FRMPD4: variants seen among roughly 807,000 people sequenced by gnomAD.
The protein encoded by FRMPD4 is FERM and PDZ domain-containing protein 4.
FRMPD4 carries 22 observed loss-of-function variants against 94.1 expected under a neutral mutation model. The observed-to-expected ratio is 0.23, with a 90% CI of 0.17 to 0.33. FRMPD4 has a LOEUF of 0.33. Among genes scored for constraint, FRMPD4 ranks in the 10% least tolerant of loss-of-function variants. The probability of loss-of-function intolerance (pLI) is 1.00; values close to 1 mark genes in which losing one functional copy is unlikely to be tolerated. For synonymous variants in FRMPD4, 631 were observed against 548.6 expected, an observed-to-expected ratio of 1.15 and a Z score of -2.10; for missense variants, 1,111 against 1,339.9, an observed-to-expected ratio of 0.83 and a Z score of 2.67.
intron 2 of FRMPD4, among the ~76,000 whole-genome samples, chrX:12,522,528 A>G (rs1212547859): frequency 1.8e-5 from 2 of 109,690 alleles, no homozygotes; most frequent in Non-Finnish European, 3.8e-5. Context: ...ATTCTGGAAG[A>G]TTACAATTTA....
intron 2 of FRMPD4, among the ~76,000 whole-genome samples, chrX:12,607,062 C>T (rs1226760471): frequency 9.0e-6 from 1 of 111,356 alleles, no homozygotes; most frequent in Non-Finnish European, 1.9e-5. Context: ...GTCCTGGGTT[C>T]CAGCCCTGGC....
At chrX:12,461,695 GTAAATTAGCC>G (rs1369281174) in intron 1 of FRMPD4, among the ~76,000 whole-genome samples, 1 of 111,759 alleles carries the variant, frequency 8.9e-6, no homozygotes, top group Admixed American at 9.5e-5. Context: ...AATAACCTTT[GTAAATTAGCC>G]AAACTTAAAT....
chrX:11,944,566 C>T (rs2054179000), intron 3 of FRMPD4, among the ~76,000 whole-genome samples: 1 of 111,663 alleles, frequency 9.0e-6, no homozygotes, highest in African/African-American at 3.3e-5. Context: ...AGGAGACTAA[C>T]TTGCAAAGGG....
chrX:12,386,205 G>C (rs1436854511), intron 1 of FRMPD4, among the ~76,000 whole-genome samples: 1 of 112,450 alleles, frequency 8.9e-6, no homozygotes, highest in Non-Finnish European at 1.9e-5. Context: ...AAGGAGCTCA[G>C]TGCAGCTGAA....
chrX:12,002,632 C>T (rs924621884), intron 3 of FRMPD4, among the ~76,000 whole-genome samples: 5 of 111,799 alleles, frequency 4.5e-5, no homozygotes, highest in Admixed American at 1.9e-4. Context: ...TGGTGTATGG[C>T]ACATAGTAGG....
intron 1 of FRMPD4, among the ~76,000 whole-genome samples, chrX:12,212,453 G>T (rs1288977477): frequency 9.0e-6 from 1 of 111,190 alleles, no homozygotes; most frequent in African/African-American, 3.3e-5. Flanking sequence ...CTGTAGTTAG[G>T]AACAGCACCA....
chrX:12,556,565 C>A (rs1368974356), intron 2 of FRMPD4, among the ~76,000 whole-genome samples: 1 of 111,684 alleles, frequency 9.0e-6, no homozygotes, highest in African/African-American at 3.3e-5. Context: ...ATTTTAATTT[C>A]ATGAAACTCT....
intron 3 of FRMPD4, among the ~76,000 whole-genome samples, chrX:12,123,311 T>C (rs757782902): frequency 1.8e-5 from 2 of 110,400 alleles, no homozygotes; most frequent in East Asian, 5.7e-4. Flanking sequence ...CTAATTTTTA[T>C]ATTTTTAGTA....
intron 1 of FRMPD4, among the ~76,000 whole-genome samples, chrX:12,336,373 T>C (rs1389248350): frequency 8.9e-6 from 1 of 112,079 alleles, no homozygotes; most frequent in African/African-American, 3.2e-5. Flanking sequence ...CTCATCTTGG[T>C]AGCCCTGGGC....
intron 3 of FRMPD4, among the ~76,000 whole-genome samples, chrX:11,957,316 A>C (rs1601856420): frequency 9.0e-6 from 1 of 111,466 alleles, no homozygotes. Context: ...CCAGTATTTT[A>C]GGAGGCTGAG....
At chrX:12,559,660 A>AAAC (rs1367242179) in intron 2 of FRMPD4, among the ~76,000 whole-genome samples, 4 of 109,868 alleles carry the variant, frequency 3.6e-5, no homozygotes, top group Non-Finnish European at 7.6e-5. Context: ...AAGGAAAAAA[A>AAAC]AAAACAAAAA....
chrX:11,905,673 T>A (rs1331504786), intron 3 of FRMPD4, among the ~76,000 whole-genome samples: 1 of 111,198 alleles, frequency 9.0e-6, no homozygotes, highest in African/African-American at 3.3e-5. Flanking sequence ...TGATATATAT[T>A]GGGGGTATTA....
intron 3 of FRMPD4, among the ~76,000 whole-genome samples, chrX:11,944,715 G>A (rs1476763161): frequency 2.7e-5 from 3 of 110,884 alleles, no homozygotes; most frequent in African/African-American, 3.3e-5. Context: ...CTCGCACCCC[G>A]AGACCTCGAG....
At chrX:12,387,453 G>A (rs927349358) in intron 1 of FRMPD4, among the ~76,000 whole-genome samples, 3 of 111,919 alleles carry the variant, frequency 2.7e-5, no homozygotes, top group African/African-American at 9.7e-5. Context: ...TGATTATAGA[G>A]TGAAATGAAT....
intron 1 of FRMPD4, among the ~76,000 whole-genome samples, chrX:12,191,385 C>T (rs1328783029): frequency 8.9e-6 from 1 of 111,818 alleles, no homozygotes; most frequent in Non-Finnish European, 1.9e-5. Flanking sequence ...CCAGCAATTG[C>T]ACACCTTGGT....
chrX:11,917,769 A>G (rs2054032587), intron 3 of FRMPD4, among the ~76,000 whole-genome samples: 1 of 110,956 alleles, frequency 9.0e-6, no homozygotes, highest in African/African-American at 3.3e-5. Flanking sequence ...GCAAGGGCTG[A>G]AAAACTACCT....
At chrX:12,361,222 T>A (rs770214305) in intron 1 of FRMPD4, among the ~76,000 whole-genome samples, 2 of 112,709 alleles carry the variant, frequency 1.8e-5, no homozygotes, top group African/African-American at 6.4e-5. Flanking sequence ...TGCACTTTTC[T>A]GAATCTAGCA....
intron 1 of FRMPD4, among the ~76,000 whole-genome samples, chrX:12,335,151 T>A (rs76711711): frequency 1.8e-5 from 2 of 108,857 alleles, no homozygotes; most frequent in Admixed American, 9.8e-5. Flanking sequence ...TTTTTTTTTT[T>A]AAAGCAAGGT....
At chrX:12,331,703 TATA>T (rs1195640173) in intron 1 of FRMPD4, among the ~76,000 whole-genome samples, 4 of 65,660 alleles carry the variant, frequency 6.1e-5, no homozygotes, top group African/African-American at 3.4e-4. Flanking sequence ...TATATAAATA[TATA>T]ATATATAATT....
Sources: allele counts gnomAD v4.1 joint callset (sites outside exome capture counted in the v4.1 genomes callset), GRCh38; gene constraint gnomAD v4.1.1; transcripts MANE v1.5; gene names NCBI Gene and HGNC (gene_info 2026-07-23, HGNC 2026-07-21).